Variants in GLYR1 observed in about 807,000 individuals in gnomAD.
GLYR1 encodes glyoxylate reductase 1 homolog.
GLYR1 carries 21 observed loss-of-function variants against 72.7 expected under a neutral mutation model. That is an observed-to-expected ratio of 0.29 (90% CI 0.20 to 0.42). The LOEUF is 0.42. GLYR1 is among the 10% of genes least tolerant of loss of function. The pLI is 1.00. For missense variants in GLYR1, 594 were observed against 712.1 expected, an observed-to-expected ratio of 0.83 and a Z score of 1.89; for synonymous variants, 392 against 270.2, an observed-to-expected ratio of 1.45 and a Z score of -4.42.
chr16:4,820,029 G>A (rs926844904), intron 9 of GLYR1, among the ~76,000 whole-genome samples: 2 of 151,974 alleles, frequency 1.3e-5, no homozygotes, highest in Non-Finnish European at 2.9e-5. Context: ...ACACAGTCTC[G>A]TTCTGTTGCC....
intron 15 of GLYR1, 91 bp from the exon 16 acceptor site, chr16:4,805,401 G>A: frequency 2.8e-6 from 3 of 1,082,148 alleles, no homozygotes; most frequent in South Asian, 2.6e-5. Flanking sequence ...GATGTGGCCA[G>A]CAGGCAGTGC....
chr16:4,825,085 A>G (rs2084295088), intron 5 of GLYR1, among the ~76,000 whole-genome samples: 1 of 152,040 alleles, frequency 6.6e-6, no homozygotes, highest in Non-Finnish European at 1.5e-5. Flanking sequence ...GCAAAAATAA[A>G]TCTCCCTGCT....
intron 3 of GLYR1, among the ~76,000 whole-genome samples, chr16:4,838,591 C>CTTTCT (rs1555505192): frequency 2.1e-5 from 3 of 144,404 alleles, no homozygotes; most frequent in Non-Finnish European, 3.1e-5. Flanking sequence ...TGAAACTTTT[C>CTTTCT]TTTTTTTTTT....
chr16:4,840,844 C>A (rs1483905643), intron 3 of GLYR1, among the ~76,000 whole-genome samples: 1 of 152,196 alleles, frequency 6.6e-6, no homozygotes, highest in Non-Finnish European at 1.5e-5. Flanking sequence ...TCTGCTGCCA[C>A]CAGCCAATCT....
chr16:4,805,433 A>G (rs777426440), intron 15 of GLYR1, 123 bp from the exon 16 acceptor site: 4 of 788,816 alleles, frequency 5.1e-6, no homozygotes, highest in Non-Finnish European at 8.7e-6. Flanking sequence ...CTGTCCGGTT[A>G]GGAATCCTGT....
chr16:4,806,930 C>T (rs1317923003), intron 15 of GLYR1, among the ~76,000 whole-genome samples: 1 of 150,924 alleles, frequency 6.6e-6, no homozygotes, highest in Non-Finnish European at 1.5e-5. Flanking sequence ...CTTCAGCCTC[C>T]CGAGTAGCTG....
In GLYR1 at chr16:4,805,100, G is replaced by T. The variant is rs951490969; in HGVS notation, c.*136C>A. 8.2e-6 allele frequency: 6 copies of T among 732,480 alleles called. No individual in the cohort carries two copies. Among genetic ancestry groups the T allele is most frequent in the South Asian group, 1.5e-5 (1 of 65,354 alleles). 45.4% of individuals were successfully genotyped at this position (732,480 alleles called of 1,614,324 possible). ...GGTGCTGCTGTGTGCTGTGCTGATG[G>T]CAAGTCTCAAAGTCTGTATAAAAGG... On this transcript the variant is annotated 3_prime_UTR_variant, in exon 16 of 16. Transcript: ENST00000321919.
At position 4,846,255 on chromosome 16, in the gene GLYR1, T is replaced by A. The variant is rs775606836; in HGVS notation, c.39-45A>T. The stretch of plus-strand genomic sequence containing the variant: ...TCAACACTTGCCCTGCAAAAGCCAG[T>A]CCATCTCCTTCAACCCACTCAATAC... On this transcript the variant is annotated intron_variant, in intron 1 of 15. Transcript: ENST00000321919. 5.2e-5 allele frequency: 83 copies of A among 1,600,970 alleles called. No individual in the cohort carries two copies. In the Admixed American group the frequency reaches 8.3e-4, roughly 16 times the overall value.
chr16:4,830,083 T>C (rs2084691849), intron 5 of GLYR1, among the ~76,000 whole-genome samples: 1 of 152,078 alleles, frequency 6.6e-6, no homozygotes, highest in Admixed American at 6.6e-5. Context: ...GGATTACAGG[T>C]GTGAGCTACC....
intron 3 of GLYR1, 88 bp from the exon 4 acceptor site, chr16:4,833,000 T>C (rs1435163040): frequency 7.7e-7 from 1 of 1,305,052 alleles, no homozygotes; most frequent in Non-Finnish European, 1.0e-6. Context: ...GGTGTAAATA[T>C]CCATTTGGTT....
Position 4,842,263 on chromosome 16 carries a change from C to A in GLYR1, c.155+2811G>T, listed in dbSNP as rs144265582. On this transcript the variant is annotated intron_variant, in intron 3 of 15. Coordinates refer to ENST00000321919, the MANE Select transcript of GLYR1 (RefSeq NM_032569.4). ...CGTTTCAAAAAAAAAAAAACAACAA[C>A]AAAAAAAAACAAACAGAAAAACAAA... Among the ~76,000 whole-genome samples the A allele has an allele frequency of 6.6e-3, 983 of 149,316 alleles. 56 individuals are homozygous for A. The East Asian group carries it at 0.15, about 22-fold the overall frequency.
intron 5 of GLYR1, among the ~76,000 whole-genome samples, chr16:4,830,793 T>G (rs553953942): frequency 3.7e-4 from 56 of 152,316 alleles, no homozygotes; most frequent in South Asian, 1.0e-3. Context: ...CTCTCACTGC[T>G]TTATCTCATC....
Position 4,814,600 on chromosome 16 carries a change from A to T in GLYR1, c.954T>A (p.Ala318=), listed in dbSNP as rs762867029. ...TGATGTCGCAGGTTGAGACGACTTC[A>T]GCGGGGGTTCTTCCCAGACGGGCCC... The part of the protein sequence containing the change: ...QEGARLGRTP[A]EVVSTCDITF... The change falls in exon 11 of 16, where the codon GCT becomes GCA. Residue 318 remains alanine, a synonymous_variant. Transcript: ENST00000321919. The T allele has an allele frequency of 1.2e-6, 2 of 1,614,196 alleles. No homozygotes were observed. The highest frequency in any genetic ancestry group is 2.2e-5 in the South Asian group (2 of 91,088).
chr16:4,841,591 G>A (rs74521917), intron 3 of GLYR1, among the ~76,000 whole-genome samples: 3 of 150,798 alleles, frequency 2.0e-5, no homozygotes, highest in Non-Finnish European at 2.9e-5. Flanking sequence ...GATGCAGTAA[G>A]CCATGTCCGT....
rs1187198656 is a variant in GLYR1, at chr16:4,836,829, AC to A, written c.156-3918del. Among the ~76,000 whole-genome samples, 210 of 149,370 alleles carry A rather than the reference AC, an allele frequency of 1.4e-3. 1 individual carries two copies. The highest frequency in any genetic ancestry group is 1.7e-3 in the African/African-American group (67 of 39,260). On this transcript the variant is annotated intron_variant, in intron 3 of 15. Coordinates refer to ENST00000321919, the MANE Select transcript of GLYR1 (RefSeq NM_032569.4). ...ATTATATTGGAAAAAAAAAAAAAAAACAAAACAAATCAATACTAAAGGCCTC... is the reference window on the plus strand; with the variant it reads ...ATTATATTGGAAAAAAAAAAAAAAAAAAAACAAATCAATACTAAAGGCCTC...
intron 3 of GLYR1, among the ~76,000 whole-genome samples, chr16:4,836,733 T>G (rs550317824): frequency 6.6e-6 from 1 of 151,470 alleles, no homozygotes; most frequent in South Asian, 2.1e-4. Flanking sequence ...TCTAACTGGG[T>G]GGCTGTGGGA....
intron 15 of GLYR1, among the ~76,000 whole-genome samples, chr16:4,810,339 A>C (rs192437178): frequency 6.7e-6 from 1 of 149,036 alleles, no homozygotes; most frequent in East Asian, 2.1e-4. Context: ...TCTACTAAAA[A>C]TACAAAAATT....
At chr16:4,843,829 C>T (rs1379144278) in intron 3 of GLYR1, 3 of 202,540 alleles carry the variant, frequency 1.5e-5, no homozygotes, top group South Asian at 5.8e-5. Flanking sequence ...GGCATGGTGG[C>T]TCTTGCCTGT....
chr16:4,830,837 C>A (rs953832474), intron 5 of GLYR1, among the ~76,000 whole-genome samples: 33 of 152,184 alleles, frequency 2.2e-4, no homozygotes, highest in African/African-American at 7.2e-4. Flanking sequence ...CTGCCCCAAG[C>A]ACGGCATTCT....
Sources: gnomAD v4.1 joint callset for allele counts (sites outside exome capture counted in the v4.1 genomes callset) on GRCh38, gnomAD v4.1.1 for gene constraint, MANE v1.5 for transcripts, NCBI Gene and HGNC (gene_info 2026-07-23, HGNC 2026-07-21) for gene names.